Variants in CCDC91 observed in about 807,000 individuals in gnomAD.
CCDC91 encodes coiled-coil domain-containing protein 91.
A neutral mutation model predicts 63.2 loss-of-function variants in CCDC91; 48 were observed. The observed-to-expected ratio is 0.76, with a 90% confidence interval of 0.60 to 0.97. The LOEUF (loss-of-function observed/expected upper bound fraction) is 0.97, where lower values mean the gene tolerates loss of function less well. CCDC91 is among the 50% of genes least tolerant of loss of function. CCDC91 has a pLI of 0.00. For missense variants in CCDC91, 500 were observed against 494.6 expected (o/e 1.01, Z -0.10); for synonymous variants, 167 against 165.8 (o/e 1.01, Z -0.06).
intron 12 of CCDC91, among the ~76,000 whole-genome samples, chr12:28,531,469 T>C (rs1376338891): frequency 6.6e-6 from 1 of 152,182 alleles, no homozygotes; most frequent in African/African-American, 2.4e-5. Context: ...GGCAACCTGC[T>C]ATCTATTATT....
intron 6 of CCDC91, among the ~76,000 whole-genome samples, chr12:28,324,508 C>G (rs751421346): frequency 8.6e-5 from 13 of 151,874 alleles, no homozygotes; most frequent in Non-Finnish European, 1.9e-4. Context: ...ACTCAGATTA[C>G]TGTAATTTTA....
intron 7 of CCDC91, among the ~76,000 whole-genome samples, chr12:28,384,707 T>C (rs963053999): frequency 6.6e-6 from 1 of 152,090 alleles, no homozygotes; most frequent in African/African-American, 2.4e-5. Context: ...TGGAAACAAA[T>C]GGTTAAAACT....
At chr12:28,492,219 T>A (rs761997444) in intron 12 of CCDC91, among the ~76,000 whole-genome samples, 1 of 151,774 alleles carries the variant, frequency 6.6e-6, no homozygotes, top group African/African-American at 2.4e-5. Context: ...ATAAATGTTT[T>A]TTTTTCATTC....
At chr12:28,277,888 A>T (rs1450684901) in intron 3 of CCDC91, among the ~76,000 whole-genome samples, 1 of 151,998 alleles carries the variant, frequency 6.6e-6, no homozygotes, top group Non-Finnish European at 1.5e-5. Context: ...TAGTAGCCAG[A>T]CTGTAGACTT....
At chr12:28,221,879 G>T (rs1943976810) in intron 1 of CCDC91, among the ~76,000 whole-genome samples, 1 of 152,100 alleles carries the variant, frequency 6.6e-6, no homozygotes, top group African/African-American at 2.4e-5. Flanking sequence ...CAGATGCTTG[G>T]ACTTGTAAAT....
intron 7 of CCDC91, among the ~76,000 whole-genome samples, chr12:28,372,590 T>A (rs1451619093): frequency 6.6e-6 from 1 of 152,174 alleles, no homozygotes; most frequent in Non-Finnish European, 1.5e-5. Context: ...TTTAAATTTT[T>A]TTTTTGTAGC....
chr12:28,431,832 A>T (rs1286269038), intron 8 of CCDC91, among the ~76,000 whole-genome samples: 1 of 152,046 alleles, frequency 6.6e-6, no homozygotes, highest in Non-Finnish European at 1.5e-5. Flanking sequence ...ATATCCAATA[A>T]TGTAATATGA....
intron 12 of CCDC91, among the ~76,000 whole-genome samples, chr12:28,505,131 T>G (rs1938539846): frequency 6.6e-6 from 1 of 151,972 alleles, no homozygotes; most frequent in African/African-American, 2.4e-5. Context: ...TCTTTGCCCT[T>G]CTTTTTAGTT....
chr12:28,322,356 GC>G (rs1940590270), intron 6 of CCDC91, among the ~76,000 whole-genome samples: 2 of 151,796 alleles, frequency 1.3e-5, no homozygotes, highest in African/African-American at 4.8e-5. Flanking sequence ...TATGGCAACA[GC>G]TCCAGTCCTT....
chr12:28,287,151 G>A (rs1165467799), intron 3 of CCDC91, among the ~76,000 whole-genome samples: 1 of 151,968 alleles, frequency 6.6e-6, no homozygotes, highest in Non-Finnish European at 1.5e-5. Context: ...CTCCCATTCT[G>A]TAGATTGTCT....
chr12:28,383,021 A>G (rs1426687251), intron 7 of CCDC91, among the ~76,000 whole-genome samples: 1 of 152,100 alleles, frequency 6.6e-6, no homozygotes, highest in Non-Finnish European at 1.5e-5. Context: ...GCTGTACTTA[A>G]TTTTAGAAAC....
chr12:28,410,194 T>C (rs1273801162), intron 8 of CCDC91, among the ~76,000 whole-genome samples: 2 of 152,212 alleles, frequency 1.3e-5, no homozygotes, highest in Non-Finnish European at 2.9e-5. Flanking sequence ...TTGAGTAGTT[T>C]TGACACACTT....
At chr12:28,252,921 G>C (rs530004336) in intron 1 of CCDC91, among the ~76,000 whole-genome samples, 1 of 151,990 alleles carries the variant, frequency 6.6e-6, no homozygotes, top group East Asian at 1.9e-4. Flanking sequence ...TTTAATCCTT[G>C]TACTGACTTT....
chr12:28,453,448 GA>G (rs1284136554), intron 11 of CCDC91, among the ~76,000 whole-genome samples: 1 of 151,846 alleles, frequency 6.6e-6, no homozygotes, highest in African/African-American at 2.4e-5. Flanking sequence ...GATCAACCCA[GA>G]TTTTTTTTAT....
intron 1 of CCDC91, among the ~76,000 whole-genome samples, chr12:28,200,492 G>C (rs971771171): frequency 2.1e-4 from 31 of 145,182 alleles, no homozygotes; most frequent in African/African-American, 7.6e-4. Flanking sequence ...GACTCTTAAC[G>C]AGCATGCTGC....
At chr12:28,259,638 G>C (rs986120306) in intron 3 of CCDC91, among the ~76,000 whole-genome samples, 196 bp downstream of exon 3, 3 of 151,806 alleles carry the variant, frequency 2.0e-5, no homozygotes, top group African/African-American at 7.3e-5. Flanking sequence ...ATGGTGACTT[G>C]AGGCTGATTC....
intron 11 of CCDC91, among the ~76,000 whole-genome samples, chr12:28,466,802 A>C (rs1950571494): frequency 6.6e-6 from 1 of 152,154 alleles, no homozygotes; most frequent in Admixed American, 6.5e-5. Flanking sequence ...TAGTAAGTAC[A>C]CAGAAAAATA....
chr12:28,327,931 G>A (rs760649636), intron 6 of CCDC91, among the ~76,000 whole-genome samples: 2 of 152,128 alleles, frequency 1.3e-5, no homozygotes, highest in African/African-American at 2.4e-5. Flanking sequence ...GATAAGCAGA[G>A]TTAAGGTGAG....
chr12:28,478,822 CAAAAT>C (rs1452634088), intron 11 of CCDC91, among the ~76,000 whole-genome samples: 1 of 152,130 alleles, frequency 6.6e-6, no homozygotes, highest in Non-Finnish European at 1.5e-5. Flanking sequence ...AGACAGTTCT[CAAAAT>C]AAGGCATTTA....
Sources: allele counts gnomAD v4.1 joint callset (sites outside exome capture counted in the v4.1 genomes callset), GRCh38; gene constraint gnomAD v4.1.1; transcripts MANE v1.5; gene names NCBI Gene and HGNC (gene_info 2026-07-23, HGNC 2026-07-21).